Variants in DTNB observed in about 807,000 individuals in gnomAD.
DTNB encodes the protein DTN-B.
In DTNB, 63 loss-of-function variants were observed where a neutral mutation model predicts 90.7. That is an observed-to-expected ratio of 0.69 (90% CI 0.57 to 0.86). The LOEUF is 0.86. DTNB is among the 40% of genes least tolerant of loss of function. The probability of loss-of-function intolerance (pLI) is 0.00; values close to 1 mark genes in which losing one functional copy is unlikely to be tolerated. For missense variants in DTNB, 744 were observed against 807.1 expected (o/e 0.92, Z 0.95); for synonymous variants, 277 against 286.7 (o/e 0.97, Z 0.34).
intron 12 of DTNB, among the ~76,000 whole-genome samples, chr2:25,436,145 G>A (rs2055684265): frequency 2.0e-5 from 3 of 152,186 alleles, no homozygotes; most frequent in South Asian, 2.1e-4. Flanking sequence ...GACCAGCATG[G>A]CCAACATGGT....
At position 25,668,689 on chromosome 2, in the gene DTNB, C is replaced by G. The variant is rs2085091805; in HGVS notation, c.-2+4697G>C. ...GGGTATATGGAAACTCCATACTATTCAGCCACATTGGTCAAAATTGTGTTA... is the reference window on the plus strand; with the variant it reads ...GGGTATATGGAAACTCCATACTATTGAGCCACATTGGTCAAAATTGTGTTA... On this transcript the variant is annotated intron_variant, in intron 1 of 20. Transcript: ENST00000406818. 2.0e-5 allele frequency among the ~76,000 whole-genome samples: 3 copies of G among 151,584 alleles called. No homozygotes were observed. In the South Asian group the frequency reaches 6.3e-4, roughly 32 times the overall value.
chr2:25,630,520 T>C (rs6743988), intron 3 of DTNB, among the ~76,000 whole-genome samples: 67,900 of 152,008 alleles, frequency 0.45, 16,403 homozygotes, highest in East Asian at 0.77. Context: ...CATATGCATA[T>C]AATGGAATAC....
chr2:25,543,056 T>C (rs1341561654), intron 8 of DTNB, among the ~76,000 whole-genome samples: 3 of 152,210 alleles, frequency 2.0e-5, no homozygotes, highest in Non-Finnish European at 4.4e-5. Context: ...TTATCTTTGA[T>C]AAACCATCTC....
chr2:25,461,934 C>T lies in DTNB; in HGVS notation c.1080-6440G>A, dbSNP rs140822806. On this transcript the variant is annotated intron_variant, in intron 10 of 20. Transcript: ENST00000406818. Reference sequence around the variant, plus strand: ...ATGAGGAGTGACAATAAGATGAACACTCCGTGAGGCTCCGTGATCGGCACA... The same window carrying T: ...ATGAGGAGTGACAATAAGATGAACATTCCGTGAGGCTCCGTGATCGGCACA... 2.6e-5 allele frequency among the ~76,000 whole-genome samples: 4 copies of T among 152,308 alleles called. No individual in the cohort carries two copies. The East Asian group carries it at 7.7e-4, about 29-fold the overall frequency.
intron 10 of DTNB, among the ~76,000 whole-genome samples, chr2:25,468,885 A>G (rs1446464177): frequency 6.6e-6 from 1 of 152,242 alleles, no homozygotes; most frequent in Non-Finnish European, 1.5e-5. Flanking sequence ...ATCAAGTTCA[A>G]TGTAGTCACA....
chr2:25,525,309 CA>C, intron 9 of DTNB, among the ~76,000 whole-genome samples: 1 of 152,110 alleles, frequency 6.6e-6, no homozygotes, highest in Non-Finnish European at 1.5e-5. Flanking sequence ...AAGAGGGACA[CA>C]GGAGACCACA....
intron 18 of DTNB, among the ~76,000 whole-genome samples, chr2:25,384,230 G>A (rs562719164): frequency 1.3e-5 from 2 of 152,134 alleles, no homozygotes; most frequent in Non-Finnish European, 2.9e-5. Context: ...CTAATGTCTT[G>A]CATTCAGGTT....
At chr2:25,413,226 AAAAAAATTATTTTCAT>A (rs756937103) in intron 16 of DTNB, among the ~76,000 whole-genome samples, 28 of 151,926 alleles carry the variant, frequency 1.8e-4, no homozygotes, top group Non-Finnish European at 2.6e-4. Context: ...ATTCCTTTTT[AAAAAAATTATTTTCAT>A]TATTTGCTTT....
At chr2:25,614,760 G>A (rs1042965522) in intron 4 of DTNB, among the ~76,000 whole-genome samples, 1 of 152,092 alleles carries the variant, frequency 6.6e-6, no homozygotes, top group African/African-American at 2.4e-5. Flanking sequence ...AGATGGAGGC[G>A]GGGAAAAACA....
intron 10 of DTNB, among the ~76,000 whole-genome samples, chr2:25,479,975 C>G (rs561430573): frequency 6.6e-6 from 1 of 152,264 alleles, no homozygotes; most frequent in East Asian, 1.9e-4. Context: ...GTTAGACTCT[C>G]TGGCCACACA....
At chr2:25,650,662 G>A (rs892636198) in intron 2 of DTNB, among the ~76,000 whole-genome samples, 3 of 152,152 alleles carry the variant, frequency 2.0e-5, no homozygotes, top group Admixed American at 2.0e-4. Flanking sequence ...TGTAAGCAAA[G>A]AAGTAGCACA....
At chr2:25,576,803 C>A in intron 8 of DTNB, 35 bp downstream of exon 8, 1 of 1,583,880 alleles carries the variant, frequency 6.3e-7, no homozygotes, top group South Asian at 1.2e-5. Flanking sequence ...AACAGATTAA[C>A]ACTCAGGGAC....
chr2:25,464,762 C>T (rs941051246), intron 10 of DTNB, among the ~76,000 whole-genome samples: 1 of 152,204 alleles, frequency 6.6e-6, no homozygotes, highest in African/African-American at 2.4e-5. Context: ...GCACTTGCCT[C>T]TGTGTTCTTC....
intron 16 of DTNB, among the ~76,000 whole-genome samples, chr2:25,400,165 A>C: frequency 6.6e-6 from 1 of 152,354 alleles, no homozygotes; most frequent in South Asian, 2.1e-4. Context: ...AAATAAGTAC[A>C]AACTGGAGTG....
At chr2:25,532,689 A>G (rs2078482193) in intron 8 of DTNB, among the ~76,000 whole-genome samples, 2 of 152,220 alleles carry the variant, frequency 1.3e-5, no homozygotes, top group African/African-American at 2.4e-5. Context: ...TTCCCCTAAA[A>G]TAACACTGTT....
At chr2:25,509,797 T>C (rs980599469) in intron 9 of DTNB, among the ~76,000 whole-genome samples, 3 of 143,968 alleles carry the variant, frequency 2.1e-5, no homozygotes, top group African/African-American at 7.9e-5. Flanking sequence ...TCGCCTAGGC[T>C]GGAGTGCAGT....
intron 3 of DTNB, among the ~76,000 whole-genome samples, chr2:25,631,686 C>A (rs927416472): frequency 6.6e-6 from 1 of 151,992 alleles, no homozygotes; most frequent in Non-Finnish European, 1.5e-5. Context: ...AACATAACCT[C>A]AAAGGGACAC....
intron 1 of DTNB, among the ~76,000 whole-genome samples, chr2:25,666,530 G>A (rs1014302286): frequency 1.3e-5 from 2 of 152,242 alleles, no homozygotes; most frequent in South Asian, 2.1e-4. Context: ...AAAGAAAAAA[G>A]TCTTTGTATA....
chr2:25,542,964 G>GT (rs1173039101), intron 8 of DTNB, among the ~76,000 whole-genome samples: 1 of 151,906 alleles, frequency 6.6e-6, no homozygotes, highest in African/African-American at 2.4e-5. Context: ...AAATTATCCA[G>GT]TTTGAAAATG....
Sources: gnomAD v4.1 joint callset for allele counts (sites outside exome capture counted in the v4.1 genomes callset) on GRCh38, gnomAD v4.1.1 for gene constraint, MANE v1.5 for transcripts, NCBI Gene and HGNC (gene_info 2026-07-23, HGNC 2026-07-21) for gene names.